CACNA2D4: variants seen among roughly 807,000 people sequenced by gnomAD.
The protein encoded by CACNA2D4 is voltage-dependent calcium channel subunit alpha-2/delta-4.
In CACNA2D4, 157 loss-of-function variants were observed where a neutral mutation model predicts 163.8. The ratio of observed to expected loss-of-function variants is 0.96; its 90% CI spans 0.84 to 1.09. The LOEUF is 1.09. Ranked by LOEUF, CACNA2D4 falls within the 50% of genes least tolerant of loss-of-function variation. The pLI is 0.00. For missense variants in CACNA2D4, 1,410 were observed against 1,479.9 expected (o/e 0.95, Z 0.78); for synonymous variants, 598 against 586.9 (o/e 1.02, Z -0.27).
intron 26 of CACNA2D4, among the ~76,000 whole-genome samples, chr12:1,822,873 G>T (rs1864163715): frequency 6.6e-6 from 1 of 152,180 alleles, no homozygotes; most frequent in African/African-American, 2.4e-5. Context: ...GGAATCTCGG[G>T]CCGTCTTTGG....
At position 1,810,311 on chromosome 12, in the gene CACNA2D4, G is replaced by A. The variant is rs755996321; in HGVS notation, c.2688C>T (p.Asn896=). The A allele has an allele frequency of 7.8e-5, 126 of 1,613,812 alleles. No individual in the cohort carries two copies. In the Admixed American group the frequency reaches 1.6e-3, roughly 20 times the overall value. Residue 896 remains asparagine (N), a synonymous_variant, in exon 29 of 38, where the codon AAC becomes AAT. Transcript: ENST00000382722. ...ACCTCTTGGAGATCAGAATGAACCC[G>A]TTGTTGTCGATGACGAAGCAGTCCA... The part of the protein sequence containing the change: ...SDLDCFVIDN[N]GFILISKRSR...
At chr12:1,805,178 G>A (rs1052668938) in intron 29 of CACNA2D4, among the ~76,000 whole-genome samples, 2 of 152,148 alleles carry the variant, frequency 1.3e-5, no homozygotes, top group Non-Finnish European at 1.5e-5. Context: ...AAAGAGTCGA[G>A]GACCCCCCCT....
At chr12:1,871,756 T>C (rs1865793133) in intron 18 of CACNA2D4, among the ~76,000 whole-genome samples, 1 of 152,194 alleles carries the variant, frequency 6.6e-6, no homozygotes, top group Non-Finnish European at 1.5e-5. Flanking sequence ...TGCTGGTATA[T>C]GTACATGTGT....
chr12:1,796,384 C>T (rs1863128661), intron 35 of CACNA2D4, among the ~76,000 whole-genome samples: 2 of 152,264 alleles, frequency 1.3e-5, no homozygotes, highest in Non-Finnish European at 2.9e-5. Context: ...GCCTTCACGG[C>T]TCTGTATGAG....
In CACNA2D4 at chr12:1,885,999, C is replaced by T. The variant is rs1463858813; in HGVS notation, c.1034G>A (p.Gly345Glu). 1.9e-6 allele frequency: 3 copies of T among 1,613,702 alleles called. No individual in the cohort carries two copies. Among genetic ancestry groups the T allele is most frequent in the Non-Finnish European group, 2.5e-6 (3 of 1,179,776 alleles). ...YVHYIEPCFK[G>E]ILVQADRDNR... ...GTCTCGGTCCGCCTGGACGAGGATC[C>T]CTTTAAAACAAGGCTCGATGTAATG... The change falls in exon 9 of 38, where the codon GGG (glycine) becomes GAG (glutamate). Residue 345 changes from glycine to glutamate, a missense_variant. By Grantham distance (98) the Gly-to-Glu change is moderately conservative (BLOSUM62 -2). Transcript: ENST00000382722.
chr12:1,854,085 C>A, intron 22 of CACNA2D4, 41 bp from the exon 23 acceptor site: 1 of 1,453,196 alleles, frequency 6.9e-7, no homozygotes, highest in African/African-American at 1.4e-5. Context: ...CATGCTTCCT[C>A]CATGCTCATG....
chr12:1,878,313 AC>A lies in CACNA2D4; in HGVS notation c.1719+1del. Reference sequence around the variant, plus strand: ...CCCAAGGCAAAGAAGATCTGTACCTACCAGGGGCCGGAGGTCGGGATGGGAG... The same window carrying A: ...CCCAAGGCAAAGAAGATCTGTACCTACAGGGGCCGGAGGTCGGGATGGGAG... On this transcript the variant is annotated splice_donor_variant, in intron 16 of 37. Transcript: ENST00000382722. LOFTEE classifies it high-confidence loss of function. This position sits in a 1 kb window ranked among gnomAD's most constrained non-coding sequence, Gnocchi z 4.6. The A allele has an allele frequency of 6.2e-7, 1 of 1,607,808 alleles. No individual in the cohort carries two copies. The highest frequency in any genetic ancestry group is 8.5e-7 in the Non-Finnish European group (1 of 1,177,340).
intron 13 of CACNA2D4, among the ~76,000 whole-genome samples, chr12:1,881,773 A>T (rs1479524456): frequency 1.3e-5 from 2 of 152,262 alleles, no homozygotes; most frequent in African/African-American, 4.8e-5. Flanking sequence ...TGATGGTCAG[A>T]TGACATCTGC....
In CACNA2D4 at chr12:1,909,939, G is replaced by T; in HGVS notation, c.453C>A (p.Ala151=). ...ATTCATTGAATTCGTGGTTCAGGTCGGCCTCCTCGGCAGCTTCCACCAGAT... is the reference window on the plus strand; with the variant it reads ...ATTCATTGAATTCGTGGTTCAGGTCTGCCTCCTCGGCAGCTTCCACCAGAT... ...VQNLVEAAEE[A]DLNHEFNESL... is the part of the protein sequence containing the mutation. The change falls in exon 4 of 38, where the codon GCC becomes GCA. Residue 151 remains alanine (A), a synonymous_variant. Transcript: ENST00000382722. 3.7e-6 allele frequency: 6 copies of T among 1,613,780 alleles called. No individual in the cohort carries two copies. The highest frequency in any genetic ancestry group is 5.1e-6 in the Non-Finnish European group (6 of 1,179,782).
intron 24 of CACNA2D4, 108 bp downstream of exon 24, chr12:1,846,486 T>C (rs1288050322): frequency 1.1e-6 from 1 of 872,324 alleles, no homozygotes; most frequent in Middle Eastern, 2.8e-4. Flanking sequence ...GGGTCCAGCA[T>C]GCTGGAGACC....
At chr12:1,910,029 G>C in intron 3 of CACNA2D4, 64 bp from the exon 4 acceptor site, 4 of 1,381,216 alleles carry the variant, frequency 2.9e-6, no homozygotes, top group Non-Finnish European at 4.1e-6. Flanking sequence ...TTTTCAGCAA[G>C]TGAAACAGTT....
chr12:1,799,632 C>G lies in CACNA2D4; in HGVS notation c.2995+43G>C, dbSNP rs372494042. 3.9e-6 allele frequency: 6 copies of G among 1,556,724 alleles called. No individual in the cohort carries two copies. The African/African-American group carries it at 4.1e-5, about 11-fold the overall frequency. ...GTTCTTTGTAGCTCCTGCTGCGTCC[C>G]CAACCCACCGCCAGCAGGGATGGCC... is the stretch of plus-strand genomic sequence containing the variant. On this transcript the variant is annotated intron_variant, in intron 34 of 37. Transcript: ENST00000382722. The surrounding 1 kb of genome is among the most constrained non-coding windows in gnomAD (Gnocchi z 4.7).
rs769856725 is a variant in CACNA2D4, at chr12:1,793,760, C to T, written c.3310-1G>A. The T allele has an allele frequency of 2.5e-6, 4 of 1,612,438 alleles. No individual in the cohort carries two copies. In the East Asian group the frequency reaches 6.7e-5, roughly 27 times the overall value. On this transcript the variant is annotated splice_acceptor_variant, in intron 37 of 37. Coordinates refer to ENST00000382722, the MANE Select transcript of CACNA2D4 (RefSeq NM_172364.5). LOFTEE classifies it high-confidence loss of function. ...CGCCGCCGCAGTCCTGGGCATTCTCCTGCGAACGCAGAGCAGAGGTGACAG... is the reference window on the plus strand; with the variant it reads ...CGCCGCCGCAGTCCTGGGCATTCTCTTGCGAACGCAGAGCAGAGGTGACAG...
chr12:1,880,511 G>T (rs879866473), intron 13 of CACNA2D4, among the ~76,000 whole-genome samples: 5 of 152,258 alleles, frequency 3.3e-5, no homozygotes, highest in Non-Finnish European at 5.9e-5. Context: ...GGCTGGGCTC[G>T]CCGTGCCGGC....
intron 31 of CACNA2D4, chr12:1,800,652 C>G (rs535119487): frequency 8.3e-6 from 5 of 604,290 alleles, no homozygotes; most frequent in Non-Finnish European, 1.2e-5. Flanking sequence ...ATGCCTATTG[C>G]AGGTCAGACA....
At position 1,907,664 on chromosome 12, in the gene CACNA2D4, G is replaced by A. The variant is rs372217750; in HGVS notation, c.650-93C>T. 3.4e-4 allele frequency: 358 copies of A among 1,045,826 alleles called. 2 individuals carry two copies. Among genetic ancestry groups the A allele is most frequent in the Middle Eastern group, 4.7e-4 (2 of 4,284 alleles). 64.8% of individuals were successfully genotyped at this position (1,045,826 alleles called of 1,614,324 possible). A position where few individuals can be genotyped will look rare whatever the true frequency, so the allele number is the denominator to read the frequency against. ...AGGGTGCCTGGTGGGCGTGTCTGGTGGGCGTGTCTGGTAAGCGTGCCTGGT... is the reference window on the plus strand; with the variant it reads ...AGGGTGCCTGGTGGGCGTGTCTGGTAGGCGTGTCTGGTAAGCGTGCCTGGT... On this transcript the variant is annotated intron_variant, in intron 5 of 37. Transcript: ENST00000382722.
Position 1,860,020 on chromosome 12 carries a change from C to T in CACNA2D4, c.1940+125G>A, listed in dbSNP as rs578044295. The T allele has an allele frequency of 6.8e-6, 5 of 736,840 alleles. No individual in the cohort carries two copies. In the South Asian group the frequency reaches 6.8e-5, roughly 10 times the overall value. The allele number at this position is 736,840 out of a possible 1,614,324, so 45.6% of individuals were successfully genotyped here. A position where few individuals can be genotyped will look rare whatever the true frequency, so the allele number is the denominator to read the frequency against. On this transcript the variant is annotated intron_variant, in intron 19 of 37. Coordinates refer to ENST00000382722, the MANE Select transcript of CACNA2D4 (RefSeq NM_172364.5). ...AGGCTACACTGGCAAAGCAGGTCTA[C>T]ACCTCAAGTTTCCTGGATGCTGACC...
chr12:1,907,299 G>C (rs902334025), intron 6 of CACNA2D4, 141 bp downstream of exon 6: 1 of 682,264 alleles, frequency 1.5e-6, no homozygotes. Context: ...AAGGGCTAAA[G>C]TGTGGGCTTG....
chr12:1,825,652 A>G (rs1220883380), intron 26 of CACNA2D4, among the ~76,000 whole-genome samples: 1 of 152,144 alleles, frequency 6.6e-6, no homozygotes, highest in Non-Finnish European at 1.5e-5. Flanking sequence ...ACCTAGCTGC[A>G]CAGCTCTCTG....
Sources: allele counts gnomAD v4.1 joint callset (sites outside exome capture counted in the v4.1 genomes callset), GRCh38; gene constraint gnomAD v4.1.1; non-coding constraint Gnocchi (gnomAD v3.1); transcripts MANE v1.5; gene names NCBI Gene and HGNC (gene_info 2026-07-23, HGNC 2026-07-21).